CNTNAP1: variants seen among roughly 807,000 people sequenced by gnomAD.
CNTNAP1 encodes the protein contactin-associated protein 1.
Under a neutral mutation model 161.5 loss-of-function variants are expected in CNTNAP1, and 80 were observed. The ratio of observed to expected loss-of-function variants is 0.50; its 90% CI spans 0.41 to 0.60. The LOEUF (loss-of-function observed/expected upper bound fraction) is 0.60, where lower values mean the gene tolerates loss of function less well. CNTNAP1 is among the 20% of genes least tolerant of loss of function. The pLI is 0.00. For missense variants in CNTNAP1, 1,464 were observed against 1,854.8 expected, an observed-to-expected ratio of 0.79 and a Z score of 3.87; for synonymous variants, 695 against 733.1, an observed-to-expected ratio of 0.95 and a Z score of 0.84.
chr17:42,688,567 C>T lies in CNTNAP1; in HGVS notation c.1412C>T (p.Ser471Leu), dbSNP rs760521187. The change falls in exon 9 of 24, where the codon TCA (serine) becomes TTA (leucine). Residue 471 changes from serine (S) to leucine (L), a missense_variant. Ser to Leu is a moderately radical substitution (Grantham distance 145, BLOSUM62 -2). Around this residue, in one of 3 missense-constraint regions of CNTNAP1, gnomAD observed 1,383 missense variants for 1,765.0 expected, o/e 0.78. Coordinates refer to ENST00000264638, the MANE Select transcript of CNTNAP1 (RefSeq NM_003632.3). ...DDVEGAEVRV[S>L]YPLLIRTGTS... The stretch of plus-strand genomic sequence containing the variant: ...GTGGAAGGGGCAGAGGTCAGGGTCT[C>T]ATACCCGTTGCTGATCCGGACAGGG... 6.2e-7 allele frequency: 1 copy of T among 1,614,196 alleles called. No homozygotes were observed. Among genetic ancestry groups the T allele is most frequent in the Admixed American group, 1.7e-5 (1 of 60,030 alleles).
Position 42,689,436 on chromosome 17 carries a change from AG to A in CNTNAP1, c.1629-84del. 3 of 1,072,966 alleles carry A rather than the reference AG, an allele frequency of 2.8e-6. No homozygotes were observed. In the East Asian group the frequency reaches 7.6e-5, roughly 27 times the overall value. The allele number at this position is 1,072,966 out of a possible 1,614,324, so 66.5% of individuals were successfully genotyped here. ...CTCACCGGGTTCTGGGGCTTCAAGG[AG>A]CTGGGAGTGAAGCTTGCAGGGATCA... On this transcript the variant is annotated intron_variant, in intron 10 of 23. Coordinates refer to ENST00000264638, the MANE Select transcript of CNTNAP1 (RefSeq NM_003632.3).
chr17:42,687,331 G>C lies in CNTNAP1; in HGVS notation c.1044+285G>C, dbSNP rs962359827. The C allele has an allele frequency of 4.8e-5, 24 of 504,428 alleles. No individual in the cohort carries two copies. The highest frequency in any genetic ancestry group is 4.0e-4 in the African/African-American group (21 of 52,354). 31.2% of individuals were successfully genotyped at this position (504,428 alleles called of 1,614,324 possible). On this transcript the variant is annotated intron_variant, in intron 7 of 23. Transcript: ENST00000264638. This position sits in a 1 kb window ranked among gnomAD's most constrained non-coding sequence, Gnocchi z 4.7. ...TTGTCCAGGGGTCGTGCAGCTGCAC[G>C]GTGGCTGAGTAGGGACTTGAACCGA...
At chr17:42,689,663 A>T in intron 11 of CNTNAP1, 36 bp downstream of exon 11, 1 of 1,548,758 alleles carries the variant, frequency 6.5e-7, no homozygotes, top group Non-Finnish European at 8.9e-7. Flanking sequence ...GTCAGGGACA[A>T]GGGAGGTCAA....
chr17:42,695,901 C>A, intron 19 of CNTNAP1, 27 bp downstream of exon 19: 2 of 1,602,070 alleles, frequency 1.2e-6, no homozygotes, highest in Non-Finnish European at 1.7e-6. Context: ...TCTCTCACCC[C>A]ACTCCAGCTT....
rs922857474 is a variant in CNTNAP1 at position 42,699,091 on chromosome 17, C to T, written c.*181C>T. The T allele has an allele frequency of 5.1e-5, 26 of 509,416 alleles. No homozygotes were observed. Among genetic ancestry groups the T allele is most frequent in the Non-Finnish European group, 7.5e-5 (22 of 294,952 alleles). The allele number at this position is 509,416 out of a possible 1,614,324, so 31.6% of individuals were successfully genotyped here. A position where few individuals can be genotyped will look rare whatever the true frequency, so the allele number is the denominator to read the frequency against. The stretch of plus-strand genomic sequence containing the variant: ...TACAGATGGGACCCAAGGGAGTGGC[C>T]GAGCCTCACTGCCTAAACCAATGCC... On this transcript the variant is annotated 3_prime_UTR_variant, in exon 24 of 24. Transcript: ENST00000264638.
chr17:42,686,207 C>A, intron 6 of CNTNAP1, 66 bp downstream of exon 6: 2 of 1,475,778 alleles, frequency 1.4e-6, no homozygotes, highest in Non-Finnish European at 1.9e-6. Context: ...GCAGGTCGGT[C>A]TCTCCCTTTC....
In CNTNAP1 at chr17:42,682,837, A is replaced by G. The variant is rs751792020; in HGVS notation, c.8A>G (p.His3Arg). Reference sequence around the variant, plus strand: ...CGGGACCGTCAGCCCTGCATGATGCATCTCCGGCTCTTCTGCATCCTGCTC... The same window carrying G: ...CGGGACCGTCAGCCCTGCATGATGCGTCTCCGGCTCTTCTGCATCCTGCTC... MM[H>R]LRLFCILLAA... The change falls in exon 1 of 24, where the codon CAT becomes CGT. Residue 3 changes from histidine to arginine, a missense_variant. Transcript: ENST00000264638. 1.3e-6 allele frequency: 2 copies of G among 1,583,078 alleles called. No individual in the cohort carries two copies. Among genetic ancestry groups the G allele is most frequent in the East Asian group, 2.3e-5 (1 of 43,044 alleles).
At chr17:42,684,290 G>A in intron 3 of CNTNAP1, 61 bp downstream of exon 3, 1 of 1,513,624 alleles carries the variant, frequency 6.6e-7, no homozygotes, top group Non-Finnish European at 9.0e-7. Context: ...GCTCTGGGCC[G>A]GGCACCAGCC....
intron 16 of CNTNAP1, 77 bp from the exon 17 acceptor site, chr17:42,692,422 T>G: frequency 8.3e-7 from 1 of 1,207,598 alleles, no homozygotes; most frequent in South Asian, 1.4e-5. Context: ...GGGAAAGAGG[T>G]TATATTGGGC....
chr17:42,690,659 C>A, intron 12 of CNTNAP1, 80 bp from the exon 13 acceptor site: 1 of 1,418,710 alleles, frequency 7.0e-7, no homozygotes, highest in South Asian at 1.3e-5. Context: ...TGAGTTGCAG[C>A]AGCGGTGGTG....
In CNTNAP1 at chr17:42,682,867, C is replaced by T. The variant is rs1265507214; in HGVS notation, c.38C>T (p.Ala13Val). The change falls in exon 1 of 24, where the codon GCG becomes GTG. Residue 13 changes from alanine to valine, a missense_variant. By Grantham distance (64) the Ala-to-Val change is moderately conservative. Around this residue, in one of 3 missense-constraint regions of CNTNAP1, gnomAD observed 77 missense variants for 73.6 expected, o/e 1.05. Transcript: ENST00000264638. ...CGGCTCTTCTGCATCCTGCTCGCCGCGGTCTCAGGAGCCGAGGGCTGGGGC... is the reference window on the plus strand; with the variant it reads ...CGGCTCTTCTGCATCCTGCTCGCCGTGGTCTCAGGAGCCGAGGGCTGGGGC... Reference protein sequence around the residue: ...HLRLFCILLAAVSGAEGWGYY... With the variant: ...HLRLFCILLAVVSGAEGWGYY... 4 of 1,600,082 alleles carry T rather than the reference C, an allele frequency of 2.5e-6. No homozygotes were observed. The highest frequency in any genetic ancestry group is 3.4e-6 in the Non-Finnish European group (4 of 1,174,366).
rs773818742 is a variant in CNTNAP1, at chr17:42,688,528, T to C, written c.1373T>C (p.Ile458Thr). 7.4e-6 allele frequency: 12 copies of C among 1,614,086 alleles called. No homozygotes were observed. The highest frequency in any genetic ancestry group is 6.6e-5 in the South Asian group (6 of 91,088). Residue 458 changes from isoleucine (I) to threonine (T), a missense_variant, in exon 9 of 24, where the codon ATC becomes ACC. Coordinates refer to ENST00000264638, the MANE Select transcript of CNTNAP1 (RefSeq NM_003632.3). ...GTGGCACAGGAAAACCATGCAGTTA[T>C]CAGCATTGATGATGTGGAAGGGGCA... is the stretch of plus-strand genomic sequence containing the variant. ...NFVAQENHAV[I>T]SIDDVEGAEV...
chr17:42,687,309 T>A lies in CNTNAP1; in HGVS notation c.1044+263T>A. 1.9e-6 allele frequency: 1 copy of A among 524,536 alleles called. No homozygotes were observed. Among genetic ancestry groups the A allele is most frequent in the Non-Finnish European group, 3.4e-6 (1 of 296,852 alleles). The allele number at this position is 524,536 out of a possible 1,614,324, so 32.5% of individuals were successfully genotyped here. On this transcript the variant is annotated intron_variant, in intron 7 of 23. Coordinates refer to ENST00000264638, the MANE Select transcript of CNTNAP1 (RefSeq NM_003632.3). This position sits in a 1 kb window ranked among gnomAD's most constrained non-coding sequence, Gnocchi z 4.7. ...AGGCGCAGACACAGGGAGTGGCTTG[T>A]CCAGGGGTCGTGCAGCTGCACGGTG...
rs868491951 is a variant in CNTNAP1, at chr17:42,687,818, C to G, written c.1143C>G (p.Gly381=). Residue 381 remains glycine (G), a synonymous_variant, in exon 8 of 24, where the codon GGC becomes GGG. Coordinates refer to ENST00000264638, the MANE Select transcript of CNTNAP1 (RefSeq NM_003632.3). The surrounding 1 kb of genome is among the most constrained non-coding windows in gnomAD (Gnocchi z 4.7). ...FVQVPGFPRR[G]RLAVSFRFRT... is the part of the protein sequence containing the mutation. ...AAGTGCCCGGTTTCCCACGCCGTGG[C>G]CGCCTGGCAGTCTCATTTCGCTTCC... 6.2e-7 allele frequency: 1 copy of G among 1,614,266 alleles called. No homozygotes were observed. Among genetic ancestry groups the G allele is most frequent in the Middle Eastern group, 1.6e-4 (1 of 6,062 alleles).
intron 18 of CNTNAP1, among the ~76,000 whole-genome samples, chr17:42,693,757 C>A (rs971163037): frequency 6.6e-6 from 1 of 152,154 alleles, no homozygotes; most frequent in Non-Finnish European, 1.5e-5. Context: ...GCAAAAATAT[C>A]TCAAAATCAC....
rs754458454 is a variant in CNTNAP1, at chr17:42,687,685, C to T, written c.1045-35C>T. The T allele has an allele frequency of 5.0e-6, 8 of 1,605,364 alleles. No homozygotes were observed. Among genetic ancestry groups the T allele is most frequent in the Non-Finnish European group, 6.8e-6 (8 of 1,174,278 alleles). On this transcript the variant is annotated intron_variant, in intron 7 of 23. Coordinates refer to ENST00000264638, the MANE Select transcript of CNTNAP1 (RefSeq NM_003632.3). The surrounding 1 kb of genome is among the most constrained non-coding windows in gnomAD (Gnocchi z 4.7). ...ATTCCCAGCTGAGGCAGAGGCGGCT[C>T]ACGGGTGTTGATGCGTCTTCACTTT...
rs760327746 is a variant in CNTNAP1, at chr17:42,690,125, T to C, written c.1773T>C (p.Ser591=). The stretch of plus-strand genomic sequence containing the variant: ...AATCCTGTGAGGCTTATCGGCTCAG[T>C]GGGAAAACTTCTGGAAACTTCACCA... ...YKESCEAYRL[S]GKTSGNFTID... is the part of the protein sequence containing the mutation. Residue 591 remains serine (S), a synonymous_variant, in exon 12 of 24, where the codon AGT becomes AGC. Transcript: ENST00000264638. The C allele has an allele frequency of 1.2e-6, 2 of 1,614,012 alleles. No individual in the cohort carries two copies. Among genetic ancestry groups the C allele is most frequent in the Admixed American group, 3.3e-5 (2 of 60,010 alleles).
In CNTNAP1 at chr17:42,696,135, C is replaced by T. The variant is rs1401516302; in HGVS notation, c.3457C>T (p.Arg1153Trp). 6.2e-6 allele frequency: 10 copies of T among 1,613,996 alleles called. No individual in the cohort carries two copies. The highest frequency in any genetic ancestry group is 3.3e-5 in the South Asian group (3 of 91,076). Residue 1153 changes from arginine (R) to tryptophan (W), a missense_variant, in exon 20 of 24, where the codon CGG becomes TGG. By Grantham distance (101) the Arg-to-Trp change is moderately radical. This residue lies in a region of CNTNAP1 where 1,383 missense variants were observed against 1,765.0 expected (regional missense o/e 0.78). Transcript: ENST00000264638. The part of the protein sequence containing the change: ...PHSINITRVY[R>W]NLFIQVDYFP... The stretch of plus-strand genomic sequence containing the variant: ...TAGCATCAATATCACCCGTGTTTAC[C>T]GGAACCTCTTCATCCAGGTATGCAT...
intron 11 of CNTNAP1, 48 bp from the exon 12 acceptor site, chr17:42,690,040 A>G: frequency 4.4e-6 from 7 of 1,581,516 alleles, no homozygotes; most frequent in Non-Finnish European, 6.0e-6. Context: ...GCACCTGGCC[A>G]GCCCTCTAAC....
Sources: gnomAD v4.1 joint callset for allele counts (sites outside exome capture counted in the v4.1 genomes callset) on GRCh38, gnomAD v4.1.1 for gene constraint, gnomAD v4.1.1 regional missense constraint, Gnocchi (gnomAD v3.1) non-coding constraint, MANE v1.5 for transcripts, NCBI Gene and HGNC (gene_info 2026-07-23, HGNC 2026-07-21) for gene names.